The following SLC9A9 variants were observed in gnomAD, a reference collection of about 807,000 sequenced individuals.
The protein encoded by SLC9A9 is solute carrier family 9 member A9.
In SLC9A9, 62 loss-of-function variants were observed where a neutral mutation model predicts 77.8. That is an observed-to-expected ratio of 0.80 (90% confidence interval 0.65 to 0.98). The LOEUF (loss-of-function observed/expected upper bound fraction) is 0.98. Ranked by LOEUF, SLC9A9 falls within the 50% of genes least tolerant of loss-of-function variation. The probability of loss-of-function intolerance (pLI) is 0.00; values close to 1 mark genes in which losing one functional copy is unlikely to be tolerated. For missense variants in SLC9A9, 775 were observed against 774.9 expected, an observed-to-expected ratio of 1.00 and a Z score of 0.00; for synonymous variants, 320 against 283.5, an observed-to-expected ratio of 1.13 and a Z score of -1.29.
intron 14 of SLC9A9, among the ~76,000 whole-genome samples, chr3:143,299,745 A>AC (rs2030437881): frequency 6.6e-6 from 1 of 152,114 alleles, no homozygotes; most frequent in Admixed American, 6.5e-5. Context: ...GTCCTGCCAC[A>AC]CATTTTTATT....
chr3:143,840,022 CTATATTTCAAGTTTA>C (rs2009666897), intron 1 of SLC9A9, among the ~76,000 whole-genome samples: 1 of 152,170 alleles, frequency 6.6e-6, no homozygotes, highest in African/African-American at 2.4e-5. Context: ...AAACTAGGCA[CTATATTTCAAGTTTA>C]TTTTCCTAGC....
chr3:143,477,961 C>T (rs2035509686), intron 11 of SLC9A9, among the ~76,000 whole-genome samples: 1 of 152,202 alleles, frequency 6.6e-6, no homozygotes, highest in South Asian at 2.1e-4. Context: ...CAGCCTCTTG[C>T]CCACTCCCTA....
intron 12 of SLC9A9, among the ~76,000 whole-genome samples, chr3:143,400,129 C>T (rs1054978508): frequency 2.0e-5 from 3 of 152,050 alleles, no homozygotes; most frequent in Non-Finnish European, 4.4e-5. Flanking sequence ...TGTGAAAAAA[C>T]GTGCAGCTGG....
At chr3:143,721,767 G>A (rs760207048) in intron 4 of SLC9A9, among the ~76,000 whole-genome samples, 19 of 152,116 alleles carry the variant, frequency 1.2e-4, no homozygotes, top group Non-Finnish European at 2.5e-4. Context: ...TGGTGGAGAG[G>A]GAGGAAGGAG....
chr3:143,601,857 A>G (rs1376786767), intron 6 of SLC9A9, among the ~76,000 whole-genome samples: 1 of 151,760 alleles, frequency 6.6e-6, no homozygotes, highest in Non-Finnish European at 1.5e-5. Flanking sequence ...ACTTTGCTAC[A>G]TGGCATTGTG....
rs79409593 is a variant in SLC9A9, at chr3:143,434,174, G to A, written c.1469+32863C>T. Among the ~76,000 whole-genome samples the A allele has an allele frequency of 5.1e-3, 783 of 152,252 alleles. 2 individuals are homozygous for A. The highest frequency in any genetic ancestry group is 7.6e-3 in the Admixed American group (116 of 15,294). ...CTCAAGTCCTAGCATCTTTCTCAAG[G>A]TGGCTCGTGAACTAAAGTGTGCAAT... is the stretch of plus-strand genomic sequence containing the variant. On this transcript the variant is annotated intron_variant, in intron 12 of 15. Coordinates refer to ENST00000316549, the MANE Select transcript of SLC9A9 (RefSeq NM_173653.4).
intron 5 of SLC9A9, among the ~76,000 whole-genome samples, chr3:143,663,461 C>T (rs895847921): frequency 1.4e-4 from 22 of 152,238 alleles, no homozygotes; most frequent in African/African-American, 3.6e-4. Flanking sequence ...GGATGGAGAA[C>T]GAATTCGACG....
At chr3:143,570,467 T>G (rs2037238942) in intron 8 of SLC9A9, among the ~76,000 whole-genome samples, 1 of 152,168 alleles carries the variant, frequency 6.6e-6, no homozygotes, top group Admixed American at 6.5e-5. Context: ...AATTTTAGTC[T>G]TTTTATTAAA....
chr3:143,844,711 CTCTTTCTTTCTTTCTTTCTTTCTTTCTT>C (rs3031232), intron 1 of SLC9A9, among the ~76,000 whole-genome samples: 1,229 of 95,820 alleles, frequency 0.013, 11 homozygotes, highest in Admixed American at 0.023. Context: ...AACTTTCTTT[CTCTTTCTTTCTTTCTTTCTTTCTTTCTT>C]TCTTTCTTTC....
intron 6 of SLC9A9, among the ~76,000 whole-genome samples, chr3:143,625,102 A>G (rs558637451): frequency 1.3e-5 from 2 of 152,360 alleles, no homozygotes; most frequent in South Asian, 2.1e-4. Context: ...CCACTGCTCA[A>G]TGAAATAAAA....
chr3:143,717,550 T>C (rs1934388074), intron 4 of SLC9A9, among the ~76,000 whole-genome samples: 1 of 152,184 alleles, frequency 6.6e-6, no homozygotes, highest in South Asian at 2.1e-4. Context: ...ATGGAAACAA[T>C]GGAAACAATC....
At chr3:143,604,528 A>G (rs1429312473) in intron 6 of SLC9A9, among the ~76,000 whole-genome samples, 1 of 152,234 alleles carries the variant, frequency 6.6e-6, no homozygotes. Context: ...CCTGATGAAG[A>G]AGGAGAGGCT....
At chr3:143,723,601 C>T (rs1371549184) in intron 4 of SLC9A9, among the ~76,000 whole-genome samples, 1 of 152,174 alleles carries the variant, frequency 6.6e-6, no homozygotes, top group African/African-American at 2.4e-5. Context: ...ATTTTCAGCA[C>T]CGTCAGAGCA....
chr3:143,588,020 A>T (rs1245138834), intron 6 of SLC9A9, among the ~76,000 whole-genome samples: 1 of 152,230 alleles, frequency 6.6e-6, no homozygotes, highest in African/African-American at 2.4e-5. Flanking sequence ...GTCCAAAAGT[A>T]ACGTATCATA....
At chr3:143,283,403 T>C (rs575723437) in intron 14 of SLC9A9, among the ~76,000 whole-genome samples, 1 of 152,232 alleles carries the variant, frequency 6.6e-6, no homozygotes, top group South Asian at 2.1e-4. Flanking sequence ...CCCTTATACT[T>C]TCCTGTATAT....
intron 6 of SLC9A9, chr3:143,626,764 T>C (rs983981401): frequency 6.6e-6 from 1 of 151,392 alleles, no homozygotes; most frequent in East Asian, 1.9e-4. Context: ...CTTAATATAA[T>C]AATAATTTAA....
chr3:143,478,108 T>G (rs2035513752), intron 11 of SLC9A9, among the ~76,000 whole-genome samples: 1 of 152,178 alleles, frequency 6.6e-6, no homozygotes, highest in African/African-American at 2.4e-5. Flanking sequence ...AGTGGAAACT[T>G]CCATCTCCTT....
At chr3:143,493,423 A>C (rs1005406448) in intron 11 of SLC9A9, among the ~76,000 whole-genome samples, 2 of 152,228 alleles carry the variant, frequency 1.3e-5, no homozygotes, top group East Asian at 3.8e-4. Flanking sequence ...TTCTGACCAG[A>C]TATGATACCT....
intron 14 of SLC9A9, among the ~76,000 whole-genome samples, chr3:143,362,184 T>C (rs1195474228): frequency 6.6e-6 from 1 of 152,216 alleles, no homozygotes; most frequent in African/African-American, 2.4e-5. Context: ...AAATAATTAA[T>C]GGCCAAGATG....
Sources: gnomAD v4.1 joint callset for allele counts (sites outside exome capture counted in the v4.1 genomes callset) on GRCh38, gnomAD v4.1.1 for gene constraint, MANE v1.5 for transcripts, NCBI Gene and HGNC (gene_info 2026-07-23, HGNC 2026-07-21) for gene names.